The following KCTD16 variants were observed in gnomAD, a reference collection of about 807,000 sequenced individuals.
KCTD16 encodes the protein potassium channel tetramerization domain containing 16.
KCTD16 carries 13 observed loss-of-function variants against 33.2 expected under a neutral mutation model. The ratio of observed to expected loss-of-function variants is 0.39; its 90% CI spans 0.25 to 0.62. KCTD16 has a LOEUF of 0.62. Ranked by LOEUF, KCTD16 falls within the 20% of genes least tolerant of loss-of-function variation. The pLI is 0.50. For synonymous variants in KCTD16, 197 were observed against 195.3 expected (o/e 1.01, Z -0.07); for missense variants, 441 against 525.1 (o/e 0.84, Z 1.57).
At chr5:144,444,449 A>G (rs561938974) in intron 3 of KCTD16, among the ~76,000 whole-genome samples, 2 of 152,050 alleles carry the variant, frequency 1.3e-5, no homozygotes, top group East Asian at 3.9e-4. Flanking sequence ...TCTATTATAG[A>G]TTTCCCAGAA....
intron 3 of KCTD16, among the ~76,000 whole-genome samples, chr5:144,465,238 A>G (rs1033686067): frequency 7.8e-6 from 1 of 128,088 alleles, no homozygotes; most frequent in Non-Finnish European, 1.6e-5. Flanking sequence ...GCCTTTCTGG[A>G]CATTAGGCAT....
At chr5:144,341,057 CAAAAAAACAAAA>C (rs1425793689) in intron 3 of KCTD16, among the ~76,000 whole-genome samples, 1 of 151,768 alleles carries the variant, frequency 6.6e-6, no homozygotes, top group Admixed American at 6.6e-5. Flanking sequence ...AAAAAACAAA[CAAAAAAACAAAA>C]AACAAAAAAA....
intron 3 of KCTD16, among the ~76,000 whole-genome samples, chr5:144,208,167 G>A (rs1355061305): frequency 6.6e-6 from 1 of 152,188 alleles, no homozygotes; most frequent in Non-Finnish European, 1.5e-5. Context: ...TTGCACTGCA[G>A]ACTTAATTAA....
rs374703869 is a variant in KCTD16 at position 144,462,120 on chromosome 5, TTTCTC to T, written c.833-11536_833-11532del. On this transcript the variant is annotated intron_variant, in intron 3 of 3. Transcript: ENST00000512467. The stretch of plus-strand genomic sequence containing the variant: ...AATTTTACCTTTTTTTCCTTTATCT[TTTCTC>T]TTCCATTGCTAACTCCTTCTTTGCT... Among the ~76,000 whole-genome samples the T allele has an allele frequency of 3.8e-3, 586 of 152,274 alleles. 1 individual carries two copies. The highest frequency in any genetic ancestry group is 0.014 in the African/African-American group (564 of 41,552).
intron 3 of KCTD16, among the ~76,000 whole-genome samples, chr5:144,339,447 C>G (rs900376687): frequency 6.6e-6 from 1 of 152,138 alleles, no homozygotes; most frequent in Non-Finnish European, 1.5e-5. Context: ...CTCTCTCTGC[C>G]CTTCTACTCT....
chr5:144,222,194 G>A, intron 3 of KCTD16, among the ~76,000 whole-genome samples: 1 of 152,024 alleles, frequency 6.6e-6, no homozygotes, highest in Admixed American at 6.6e-5. Flanking sequence ...TTGCAAAAAT[G>A]TTCTCCCATT....
At position 144,245,367 on chromosome 5, in the gene KCTD16, G is replaced by A. The variant is rs148002015; in HGVS notation, c.832+37821G>A. ...ATCAGAGAAGTCAAGGAAAACATCC[G>A]CAAGGAAGTTATGGTTGCGGTGCGA... On this transcript the variant is annotated intron_variant, in intron 3 of 3. Coordinates refer to ENST00000512467, the MANE Select transcript of KCTD16 (RefSeq NM_020768.4). Among the ~76,000 whole-genome samples, 53 of 152,296 alleles carry A rather than the reference G, an allele frequency of 3.5e-4. No individual in the cohort carries two copies. In the East Asian group the frequency reaches 4.8e-3, roughly 14 times the overall value.
chr5:144,256,008 T>C (rs754839797), intron 3 of KCTD16, among the ~76,000 whole-genome samples: 1 of 152,198 alleles, frequency 6.6e-6, no homozygotes, highest in Non-Finnish European at 1.5e-5. Flanking sequence ...ATTAACACTT[T>C]AAATACCAAG....
chr5:144,335,972 C>T (rs532661225), intron 3 of KCTD16, among the ~76,000 whole-genome samples: 1 of 152,278 alleles, frequency 6.6e-6, no homozygotes, highest in East Asian at 1.9e-4. Context: ...TTCAGTACCC[C>T]TGTTGGGCAG....
intron 3 of KCTD16, among the ~76,000 whole-genome samples, chr5:144,401,865 A>C (rs747747229): frequency 1.3e-5 from 2 of 152,320 alleles, no homozygotes; most frequent in Admixed American, 6.5e-5. Context: ...GAATTACTCA[A>C]ATTAACACAG....
chr5:144,294,415 A>T (rs1755980362), intron 3 of KCTD16, among the ~76,000 whole-genome samples: 2 of 152,116 alleles, frequency 1.3e-5, no homozygotes, highest in Admixed American at 6.5e-5. Flanking sequence ...CTTTTGTAAG[A>T]TGCATAGAGA....
intron 3 of KCTD16, among the ~76,000 whole-genome samples, chr5:144,418,265 A>G (rs1160599023): frequency 6.6e-6 from 1 of 152,170 alleles, no homozygotes; most frequent in Non-Finnish European, 1.5e-5. Context: ...ACAGCGTGGA[A>G]GGAGACCGAG....
intron 1 of KCTD16, among the ~76,000 whole-genome samples, chr5:144,173,992 C>T (rs1427267249): frequency 6.6e-6 from 1 of 151,366 alleles, no homozygotes; most frequent in African/African-American, 2.4e-5. Flanking sequence ...GTAAATGTGC[C>T]GTCCTCTGTT....
intron 3 of KCTD16, among the ~76,000 whole-genome samples, chr5:144,256,182 G>T (rs1339505080): frequency 6.6e-6 from 1 of 152,086 alleles, no homozygotes; most frequent in Non-Finnish European, 1.5e-5. Flanking sequence ...CTTTCCTCAC[G>T]AACTGGGCAT....
At chr5:144,431,188 C>G (rs1006969905) in intron 3 of KCTD16, among the ~76,000 whole-genome samples, 3 of 152,134 alleles carry the variant, frequency 2.0e-5, no homozygotes, top group Admixed American at 1.3e-4. Context: ...TCTGTCAAAA[C>G]TAACTAGCAG....
intron 3 of KCTD16, 152 bp from the exon 4 acceptor site, chr5:144,473,508 G>A: frequency 1.4e-6 from 1 of 698,036 alleles, no homozygotes; most frequent in Non-Finnish European, 2.3e-6. Context: ...TGCACCTGTT[G>A]CAGCCCACCC....
At chr5:144,333,670 T>C (rs1752411729) in intron 3 of KCTD16, among the ~76,000 whole-genome samples, 1 of 152,124 alleles carries the variant, frequency 6.6e-6, no homozygotes, top group African/African-American at 2.4e-5. Context: ...CTCTGTTTCA[T>C]GTGTCTCATT....
At chr5:144,355,606 C>T (rs1248652523) in intron 3 of KCTD16, among the ~76,000 whole-genome samples, 1 of 152,166 alleles carries the variant, frequency 6.6e-6, no homozygotes, top group East Asian at 1.9e-4. Context: ...CCAATATCCA[C>T]TCATAGTTCT....
intron 3 of KCTD16, among the ~76,000 whole-genome samples, chr5:144,400,494 A>G (rs961294004): frequency 6.6e-6 from 1 of 152,174 alleles, no homozygotes; most frequent in African/African-American, 2.4e-5. Context: ...GTTATTATTG[A>G]TCATAGTGTT....
Sources: allele counts gnomAD v4.1 joint callset (sites outside exome capture counted in the v4.1 genomes callset), GRCh38; gene constraint gnomAD v4.1.1; transcripts MANE v1.5; gene names NCBI Gene and HGNC (gene_info 2026-07-23, HGNC 2026-07-21).